Variants in SND1 observed in about 807,000 individuals in gnomAD.
SND1 encodes the protein staphylococcal nuclease domain-containing protein 1.
SND1 carries 38 observed loss-of-function variants against 121.7 expected under a neutral mutation model. The ratio of observed to expected loss-of-function variants is 0.31; its 90% CI spans 0.24 to 0.41. The LOEUF is 0.41. SND1 is among the 10% of genes least tolerant of loss of function. SND1 has a pLI of 1.00. For missense variants in SND1, 868 were observed against 1,184.6 expected (o/e 0.73, Z 3.92); for synonymous variants, 401 against 447.4 (o/e 0.90, Z 1.31).
chr7:128,023,860 CACAT>C (rs943061874), intron 16 of SND1, among the ~76,000 whole-genome samples: 1 of 152,128 alleles, frequency 6.6e-6, no homozygotes, highest in African/African-American at 2.4e-5. Flanking sequence ...CTATGTCACA[CACAT>C]ACATATATAA....
intron 16 of SND1, among the ~76,000 whole-genome samples, chr7:128,002,538 A>C (rs1253299502): frequency 6.6e-6 from 1 of 152,146 alleles, no homozygotes; most frequent in South Asian, 2.1e-4. Flanking sequence ...TCACCAAGGG[A>C]GGGGTGACAC....
intron 22 of SND1, among the ~76,000 whole-genome samples, chr7:128,090,033 C>G (rs996373164): frequency 9.9e-5 from 15 of 152,138 alleles, no homozygotes; most frequent in Non-Finnish European, 2.1e-4. Flanking sequence ...CACTGTCCAA[C>G]AGACAGCTTC....
intron 15 of SND1, among the ~76,000 whole-genome samples, chr7:127,967,886 T>A (rs1314144513): frequency 6.6e-6 from 1 of 152,230 alleles, no homozygotes; most frequent in Non-Finnish European, 1.5e-5. Context: ...TCAGGAAGAT[T>A]ATCCTCTGTA....
chr7:127,891,434 A>G (rs533507531), intron 13 of SND1, among the ~76,000 whole-genome samples: 3 of 152,072 alleles, frequency 2.0e-5, no homozygotes, highest in African/African-American at 7.2e-5. Context: ...AACATTCCCC[A>G]TGTTCCCTTA....
Position 127,828,665 on chromosome 7 carries a change from A to G in SND1, c.1243-15659A>G, listed in dbSNP as rs116991261. Among the ~76,000 whole-genome samples, 1,215 of 152,274 alleles carry G rather than the reference A, an allele frequency of 8.0e-3. 17 individuals are homozygous for G. The highest frequency in any genetic ancestry group is 0.014 in the Middle Eastern group (4 of 294). The stretch of plus-strand genomic sequence containing the variant: ...GTCTAAAATTTTCTGGAAAATCTAT[A>G]GTGTCAAAATATTATTAAATATCAT... On this transcript the variant is annotated intron_variant, in intron 11 of 23. Transcript: ENST00000354725.
At chr7:127,894,045 T>C (rs1313532994) in intron 13 of SND1, among the ~76,000 whole-genome samples, 8 of 152,148 alleles carry the variant, frequency 5.3e-5, no homozygotes, top group Non-Finnish European at 8.8e-5. Flanking sequence ...CTGGCATTTC[T>C]GTCACAGACT....
intron 16 of SND1, among the ~76,000 whole-genome samples, chr7:128,040,762 C>G (rs1265297704): frequency 2.0e-5 from 3 of 152,368 alleles, no homozygotes; most frequent in East Asian, 3.9e-4. Flanking sequence ...GCCTCCAAGC[C>G]GTTCTAATCC....
intron 13 of SND1, among the ~76,000 whole-genome samples, chr7:127,897,855 A>T (rs1475682211): frequency 6.6e-6 from 1 of 152,080 alleles, no homozygotes; most frequent in African/African-American, 2.4e-5. Flanking sequence ...TTGAAATAGG[A>T]TTATGAGTCA....
At chr7:128,043,601 A>G (rs1336374505) in intron 16 of SND1, among the ~76,000 whole-genome samples, 1 of 150,598 alleles carries the variant, frequency 6.6e-6, no homozygotes, top group Admixed American at 6.6e-5. Flanking sequence ...ATATATATAA[A>G]TTTATATATC....
At position 127,779,870 on chromosome 7, in the gene SND1, C is replaced by T. The variant is rs80315072; in HGVS notation, c.1153-27614C>T. Among the ~76,000 whole-genome samples the T allele has an allele frequency of 8.5e-5, 13 of 152,288 alleles. No homozygotes were observed. In the East Asian group the frequency reaches 2.3e-3, roughly 27 times the overall value. ...TACCCACTCTCATTATTCAAGGAGTCGGGACCATCTCTGTGAGGCTTCTCT... is the reference window on the plus strand; with the variant it reads ...TACCCACTCTCATTATTCAAGGAGTTGGGACCATCTCTGTGAGGCTTCTCT... On this transcript the variant is annotated intron_variant, in intron 10 of 23. Coordinates refer to ENST00000354725, the MANE Select transcript of SND1 (RefSeq NM_014390.4).
chr7:127,700,445 C>T lies in SND1; in HGVS notation c.429-718C>T, dbSNP rs553663503. Among the ~76,000 whole-genome samples, 36 of 152,196 alleles carry T rather than the reference C, an allele frequency of 2.4e-4. No homozygotes were observed. In the South Asian group the frequency reaches 6.6e-3, roughly 28 times the overall value. On this transcript the variant is annotated intron_variant, in intron 4 of 23. Transcript: ENST00000354725. ...AAGAGATTCAGTTTATGCATACAGC[C>T]GTTGATGGCACCGAGTGTCTGAGAT...
chr7:127,694,910 C>G lies in SND1; in HGVS notation c.311C>G (p.Pro104Arg). The stretch of plus-strand genomic sequence containing the variant: ...TGTTTCACGATAGAAAACAAGACTC[C>G]CCAGGGGCGAGAGTATGGCATGATC... Reference protein sequence around the residue: ...EVCFTIENKTPQGREYGMIYL... With the variant: ...EVCFTIENKTRQGREYGMIYL... Residue 104 changes from proline (P) to arginine (R), a missense_variant, in exon 3 of 24, where the codon CCC (proline) becomes CGC (arginine). This residue lies in a region of SND1 where 743 missense variants were observed against 1,071.3 expected (regional missense o/e 0.69). Coordinates refer to ENST00000354725, the MANE Select transcript of SND1 (RefSeq NM_014390.4). The G allele has an allele frequency of 6.2e-7, 1 of 1,613,752 alleles. No individual in the cohort carries two copies. The highest frequency in any genetic ancestry group is 8.5e-7 in the Non-Finnish European group (1 of 1,179,824).
chr7:127,690,166 C>T (rs939975564), intron 2 of SND1, among the ~76,000 whole-genome samples: 3 of 152,112 alleles, frequency 2.0e-5, no homozygotes, highest in African/African-American at 7.2e-5. Context: ...TTTTCCCAGA[C>T]TCTTCAGTGG....
At chr7:127,887,767 T>A in intron 12 of SND1, 135 bp from the exon 13 acceptor site, 1 of 568,840 alleles carries the variant, frequency 1.8e-6, no homozygotes, top group South Asian at 2.2e-5. Context: ...TAGCAACTCA[T>A]AGGTCTTGAA....
intron 11 of SND1, among the ~76,000 whole-genome samples, chr7:127,824,609 T>G (rs1798609708): frequency 6.6e-6 from 1 of 152,310 alleles, no homozygotes; most frequent in African/African-American, 2.4e-5. Flanking sequence ...TTTCTTCTCT[T>G]CCGTCACTTC....
intron 10 of SND1, among the ~76,000 whole-genome samples, chr7:127,796,059 A>G (rs561022453): frequency 2.0e-4 from 31 of 151,864 alleles, no homozygotes; most frequent in Non-Finnish European, 4.0e-4. Flanking sequence ...GGGTTTCACC[A>G]TGTTAGCCAG....
chr7:127,935,551 A>G (rs1801043905), intron 15 of SND1, among the ~76,000 whole-genome samples: 1 of 152,190 alleles, frequency 6.6e-6, no homozygotes, highest in African/African-American at 2.4e-5. Flanking sequence ...TAATGAATGG[A>G]GCAGTGACCT....
At chr7:127,710,106 G>GA (rs112942701) in intron 9 of SND1, among the ~76,000 whole-genome samples, 3 of 151,472 alleles carry the variant, frequency 2.0e-5, no homozygotes, top group African/African-American at 4.9e-5. Flanking sequence ...ATTTTACACT[G>GA]AAAAAAATGG....
At chr7:127,764,096 AAATTG>A (rs1797364077) in intron 10 of SND1, among the ~76,000 whole-genome samples, 1 of 152,028 alleles carries the variant, frequency 6.6e-6, no homozygotes. Context: ...AGAAAAGCAT[AAATTG>A]AAACCTACTG....
Sources: allele counts gnomAD v4.1 joint callset (sites outside exome capture counted in the v4.1 genomes callset), GRCh38; gene constraint gnomAD v4.1.1; regional missense constraint gnomAD v4.1.1; transcripts MANE v1.5; gene names NCBI Gene and HGNC (gene_info 2026-07-23, HGNC 2026-07-21).